The following PCSK5 variants were observed in gnomAD, a reference collection of about 807,000 sequenced individuals.
PCSK5 encodes the protein proprotein convertase subtilisin/kexin type 5, also known as prohormone convertase 5.
PCSK5 carries 129 observed loss-of-function variants against 233.2 expected under a neutral mutation model. The observed-to-expected ratio is 0.55, with a 90% CI of 0.48 to 0.64. The LOEUF (loss-of-function observed/expected upper bound fraction) is 0.64, where lower values mean the gene tolerates loss of function less well. Ranked by LOEUF, PCSK5 falls within the 30% of genes least tolerant of loss-of-function variation. PCSK5 has a pLI of 0.00. For synonymous variants in PCSK5, 825 were observed against 879.2 expected (o/e 0.94, Z 1.09); for missense variants, 2,076 against 2,430.1 (o/e 0.85, Z 3.06).
At chr9:76,195,065 A>G (rs1254356966) in intron 20 of PCSK5, 1 of 163,158 alleles carries the variant, frequency 6.1e-6, no homozygotes, top group African/African-American at 2.4e-5. Flanking sequence ...TGACCCTCTT[A>G]ATAGCATTGC....
chr9:76,293,412 C>G (rs114491886), intron 25 of PCSK5, among the ~76,000 whole-genome samples: 2,772 of 152,300 alleles, frequency 0.018, 80 homozygotes, highest in African/African-American at 0.064. Flanking sequence ...CTATGTCTCA[C>G]ATCACTGCAC....
chr9:76,239,711 G>GA (rs909276326), intron 23 of PCSK5, among the ~76,000 whole-genome samples: 3 of 143,870 alleles, frequency 2.1e-5, no homozygotes, highest in Non-Finnish European at 4.6e-5. Flanking sequence ...AAAAAAAAAA[G>GA]AAAAAAAAGA....
At chr9:76,334,719 G>A (rs1829628938) in intron 34 of PCSK5, among the ~76,000 whole-genome samples, 1 of 151,568 alleles carries the variant, frequency 6.6e-6, no homozygotes, top group Non-Finnish European at 1.5e-5. Flanking sequence ...GCAAGATTCT[G>A]TCTCAGAAAA....
chr9:76,282,848 G>A (rs1827928024), intron 24 of PCSK5, among the ~76,000 whole-genome samples: 1 of 152,120 alleles, frequency 6.6e-6, no homozygotes. Flanking sequence ...GATATCATTT[G>A]TGATTCATGG....
In PCSK5 at chr9:76,296,696, A is replaced by T. The variant is rs1479201936; in HGVS notation, c.3354A>T (p.Gly1118=). The change falls in exon 27 of 38, where the codon GGA becomes GGT. Residue 1118 remains glycine (G), a synonymous_variant. Coordinates refer to ENST00000674117, the MANE Select transcript of PCSK5 (RefSeq NM_001372043.1). ...GGSCVRKCGP[G]FYGDQEMGEC... ...GTTGTGTGAGGAAATGTGGTCCTGG[A>T]TTCTATGGTGACCAAGAAATGGGAG... The T allele has an allele frequency of 6.2e-7, 1 of 1,612,398 alleles. No individual in the cohort carries two copies. The highest frequency in any genetic ancestry group is 1.7e-5 in the Admixed American group (1 of 60,016).
chr9:76,205,497 TCC>T (rs1825079083), intron 20 of PCSK5, among the ~76,000 whole-genome samples: 1 of 152,124 alleles, frequency 6.6e-6, no homozygotes, highest in Non-Finnish European at 1.5e-5. Flanking sequence ...CCTGAAACCC[TCC>T]TCCAGAATCT....
In PCSK5 at chr9:76,356,850, T is replaced by C. The variant is rs537496369; in HGVS notation, c.5255-1663T>C. On this transcript the variant is annotated intron_variant, in intron 37 of 37. Coordinates refer to ENST00000674117, the MANE Select transcript of PCSK5 (RefSeq NM_001372043.1). ...ATCTAGAATGAATATACCTAGAATG[T>C]ACCTGTGTAGGATGTACCTAGAATT... is the stretch of plus-strand genomic sequence containing the variant. Among the ~76,000 whole-genome samples the C allele has an allele frequency of 1.1e-4, 17 of 152,334 alleles. No homozygotes were observed. The South Asian group carries it at 3.3e-3, about 30-fold the overall frequency.
chr9:75,895,597 C>G (rs1350900544), intron 1 of PCSK5, among the ~76,000 whole-genome samples: 1 of 152,132 alleles, frequency 6.6e-6, no homozygotes, highest in Admixed American at 6.5e-5. Flanking sequence ...ATTGATTTCC[C>G]ATGGCAGGGC....
intron 34 of PCSK5, among the ~76,000 whole-genome samples, chr9:76,335,873 C>A (rs932267467): frequency 1.3e-5 from 2 of 152,184 alleles, no homozygotes; most frequent in African/African-American, 4.8e-5. Context: ...TACTGTTAGT[C>A]TCTCCATTTT....
chr9:76,252,256 G>A (rs1376183547), intron 24 of PCSK5, among the ~76,000 whole-genome samples: 1 of 152,084 alleles, frequency 6.6e-6, no homozygotes, highest in African/African-American at 2.4e-5. Flanking sequence ...TGTGACAGAA[G>A]CGAGACTCCG....
At chr9:76,083,845 A>G (rs1830953588) in intron 7 of PCSK5, among the ~76,000 whole-genome samples, 1 of 152,260 alleles carries the variant, frequency 6.6e-6, no homozygotes, top group Non-Finnish European at 1.5e-5. Context: ...AGCAGTAGTA[A>G]TAATCATAAT....
rs1038612277 is a variant in PCSK5 at position 75,891,339 on chromosome 9, T to C, written c.158T>C (p.Ile53Thr). The C allele has an allele frequency of 6.4e-7, 1 of 1,564,966 alleles. No homozygotes were observed. The highest frequency in any genetic ancestry group is 1.2e-5 in the South Asian group (1 of 84,520). The change falls in exon 1 of 38, where the codon ATC becomes ACC. Residue 53 changes from isoleucine to threonine, a missense_variant. Around this residue, in one of 6 missense-constraint regions of PCSK5, gnomAD observed 190 missense variants for 216.3 expected, o/e 0.88. Coordinates refer to ENST00000674117, the MANE Select transcript of PCSK5 (RefSeq NM_001372043.1). ...GGGGGCTTCCCGGAGGCCAACCGTA[T>C]CGCCAGCAAGTACGGATTCATCAAC... is the stretch of plus-strand genomic sequence containing the variant. ...IAGGFPEANR[I>T]ASKYGFINIG...
At chr9:76,316,844 C>CA (rs1415840082) in intron 30 of PCSK5, among the ~76,000 whole-genome samples, 1 of 150,812 alleles carries the variant, frequency 6.6e-6, no homozygotes, top group African/African-American at 2.4e-5. Context: ...TGCTGGTGGG[C>CA]ATATAACACA....
intron 3 of PCSK5, among the ~76,000 whole-genome samples, chr9:75,986,768 C>T (rs1324233384): frequency 3.3e-5 from 5 of 152,094 alleles, no homozygotes; most frequent in Admixed American, 6.5e-5. Flanking sequence ...GGAAAGTGTT[C>T]GATTTGGTAG....
intron 20 of PCSK5, among the ~76,000 whole-genome samples, chr9:76,199,315 T>C (rs1262879118): frequency 6.6e-6 from 1 of 152,210 alleles, no homozygotes; most frequent in Non-Finnish European, 1.5e-5. Context: ...TATTTGTGTG[T>C]CTAAACATAG....
rs558500438 is a variant in PCSK5 at position 76,231,292 on chromosome 9, G to T, written c.2730-2168G>T. Among the ~76,000 whole-genome samples the T allele has an allele frequency of 2.0e-5, 3 of 152,166 alleles. No individual in the cohort carries two copies. In the East Asian group the frequency reaches 5.8e-4, roughly 29 times the overall value. On this transcript the variant is annotated intron_variant, in intron 21 of 37. Coordinates refer to ENST00000674117, the MANE Select transcript of PCSK5 (RefSeq NM_001372043.1). The stretch of plus-strand genomic sequence containing the variant: ...TCACGAGAACAGCATGAGGATAACC[G>T]CCCCCATGATTCAGTTACATCCCAC...
chr9:76,192,818 C>CTTTTCCT (rs1824471961), intron 20 of PCSK5, among the ~76,000 whole-genome samples: 1 of 152,108 alleles, frequency 6.6e-6, no homozygotes, highest in Admixed American at 6.5e-5. Context: ...TATGAAGCAT[C>CTTTTCCT]TTTTCCTTTG....
chr9:76,180,932 A>C (rs575732214), intron 15 of PCSK5, among the ~76,000 whole-genome samples: 3 of 152,104 alleles, frequency 2.0e-5, no homozygotes, highest in Non-Finnish European at 4.4e-5. Context: ...ATACAACATA[A>C]ATTTAAATAT....
At chr9:76,108,596 T>C (rs1244504320) in intron 9 of PCSK5, among the ~76,000 whole-genome samples, 1 of 152,096 alleles carries the variant, frequency 6.6e-6, no homozygotes, top group Non-Finnish European at 1.5e-5. Context: ...CTTCTAAAAA[T>C]ACAAAAATTA....
Sources: allele counts gnomAD v4.1 joint callset (sites outside exome capture counted in the v4.1 genomes callset), GRCh38; gene constraint gnomAD v4.1.1; regional missense constraint gnomAD v4.1.1; transcripts MANE v1.5; gene names NCBI Gene and HGNC (gene_info 2026-07-23, HGNC 2026-07-21).